OXR1: variants seen among roughly 807,000 people sequenced by gnomAD.
OXR1 encodes the protein oxidation resistance protein 1.
In OXR1, 41 loss-of-function variants were observed where a neutral mutation model predicts 104.6. The ratio of observed to expected loss-of-function variants is 0.39; its 90% CI spans 0.31 to 0.51. The LOEUF (loss-of-function observed/expected upper bound fraction) is 0.51, where lower values mean the gene tolerates loss of function less well. Ranked by LOEUF, OXR1 falls within the 20% of genes least tolerant of loss-of-function variation. The probability of loss-of-function intolerance (pLI) is 0.77; values close to 1 mark genes in which losing one functional copy is unlikely to be tolerated. For synonymous variants in OXR1, 348 were observed against 348.4 expected, an observed-to-expected ratio of 1.00 and a Z score of 0.01; for missense variants, 955 against 1,031.9, an observed-to-expected ratio of 0.93 and a Z score of 1.02.
At chr8:106,380,542 C>T (rs544850791) in intron 2 of OXR1, among the ~76,000 whole-genome samples, 2 of 152,256 alleles carry the variant, frequency 1.3e-5, no homozygotes, top group African/African-American at 4.8e-5. Context: ...TGAGGAACTT[C>T]CAATCTATTT....
At chr8:106,701,912 GC>G (rs1830612341) in intron 7 of OXR1, among the ~76,000 whole-genome samples, 1 of 152,160 alleles carries the variant, frequency 6.6e-6, no homozygotes, top group Non-Finnish European at 1.5e-5. Context: ...ACCCTAGTTT[GC>G]TCATTTATAA....
chr8:106,475,338 TATATTTA>T (rs1440286358), intron 2 of OXR1, among the ~76,000 whole-genome samples: 1 of 151,776 alleles, frequency 6.6e-6, no homozygotes, highest in Non-Finnish European at 1.5e-5. Context: ...AAAGAGAAAA[TATATTTA>T]ATATTTATTA....
chr8:106,367,066 T>A (rs1816497614), intron 2 of OXR1, among the ~76,000 whole-genome samples: 2 of 296 alleles, frequency 6.8e-3, no homozygotes, highest in Non-Finnish European at 0.015. Context: ...ATGTTTCCCT[T>A]TTTTTTTTTT....
chr8:106,392,364 G>T (rs1349452753), intron 2 of OXR1, among the ~76,000 whole-genome samples: 1 of 152,156 alleles, frequency 6.6e-6, no homozygotes, highest in African/African-American at 2.4e-5. Flanking sequence ...AATTTGAGCT[G>T]CCTTTAACAC....
chr8:106,342,573 G>T (rs967585430), intron 1 of OXR1, among the ~76,000 whole-genome samples: 3 of 151,716 alleles, frequency 2.0e-5, no homozygotes, highest in Non-Finnish European at 1.5e-5. Context: ...CATCTTTTAT[G>T]TATTTTTTTA....
At chr8:106,543,394 G>C (rs927289369) in intron 3 of OXR1, among the ~76,000 whole-genome samples, 5 of 151,954 alleles carry the variant, frequency 3.3e-5, no homozygotes, top group African/African-American at 1.2e-4. Context: ...CAAAAGATAA[G>C]ACCAACAAAA....
chr8:106,672,271 A>C (rs1280037890), intron 3 of OXR1, among the ~76,000 whole-genome samples: 1 of 150,918 alleles, frequency 6.6e-6, no homozygotes, highest in Non-Finnish European at 1.5e-5. Flanking sequence ...TGAGGTCAGG[A>C]GTTTGAGACC....
chr8:106,372,323 G>T (rs374385160), intron 2 of OXR1, among the ~76,000 whole-genome samples: 1 of 152,088 alleles, frequency 6.6e-6, no homozygotes, highest in East Asian at 1.9e-4. Flanking sequence ...CCTTCTCTCT[G>T]TGAGTCACAC....
At chr8:106,485,457 C>T (rs1406230949) in intron 2 of OXR1, among the ~76,000 whole-genome samples, 1 of 152,060 alleles carries the variant, frequency 6.6e-6, no homozygotes, top group East Asian at 1.9e-4. Context: ...TAGAGCAGAG[C>T]ACTCAATAAA....
chr8:106,663,888 G>C (rs1178986856), intron 3 of OXR1, among the ~76,000 whole-genome samples: 1 of 152,100 alleles, frequency 6.6e-6, no homozygotes. Flanking sequence ...AAAGGTTGGG[G>C]ACCACTGCTT....
At chr8:106,414,878 G>A (rs1818607650) in intron 2 of OXR1, among the ~76,000 whole-genome samples, 1 of 152,138 alleles carries the variant, frequency 6.6e-6, no homozygotes, top group African/African-American at 2.4e-5. Flanking sequence ...AGGGTTTTGT[G>A]TGGAGGAGCA....
chr8:106,479,102 C>G (rs1821964241), intron 2 of OXR1, among the ~76,000 whole-genome samples: 1 of 151,934 alleles, frequency 6.6e-6, no homozygotes, highest in Non-Finnish European at 1.5e-5. Flanking sequence ...TAGGTTGTTT[C>G]ACTTTTACAA....
chr8:106,470,177 A>C (rs1166176523), intron 2 of OXR1, among the ~76,000 whole-genome samples: 2 of 151,792 alleles, frequency 1.3e-5, no homozygotes, highest in African/African-American at 4.8e-5. Context: ...TTTTCAGAGC[A>C]AAGGATAGTC....
At chr8:106,387,203 A>G (rs1817411832) in intron 2 of OXR1, among the ~76,000 whole-genome samples, 1 of 152,268 alleles carries the variant, frequency 6.6e-6, no homozygotes, top group South Asian at 2.1e-4. Flanking sequence ...CTTGAAGATT[A>G]ATTATCCTTG....
intron 3 of OXR1, among the ~76,000 whole-genome samples, chr8:106,632,350 C>T (rs1022202637): frequency 1.3e-4 from 20 of 152,126 alleles, no homozygotes; most frequent in Non-Finnish European, 7.4e-5. Flanking sequence ...CTGTTATGGC[C>T]TAAAATCTGA....
intron 1 of OXR1, among the ~76,000 whole-genome samples, chr8:106,295,935 C>A (rs146393943): frequency 6.6e-6 from 1 of 152,234 alleles, no homozygotes; most frequent in African/African-American, 2.4e-5. Flanking sequence ...GTCATGCTTC[C>A]TTGGTGGAGA....
chr8:106,483,238 T>G (rs1262014052), intron 2 of OXR1, among the ~76,000 whole-genome samples: 1 of 151,830 alleles, frequency 6.6e-6, no homozygotes, highest in East Asian at 1.9e-4. Flanking sequence ...CAGTAGAGAG[T>G]TAGTAGCAAT....
chr8:106,607,432 C>T (rs1214725010), intron 3 of OXR1, among the ~76,000 whole-genome samples: 1 of 152,220 alleles, frequency 6.6e-6, no homozygotes, highest in African/African-American at 2.4e-5. Flanking sequence ...CTTGTACTAA[C>T]ACTTTCACAG....
At chr8:106,550,334 A>G (rs952262573) in intron 3 of OXR1, among the ~76,000 whole-genome samples, 1 of 152,224 alleles carries the variant, frequency 6.6e-6, no homozygotes, top group Non-Finnish European at 1.5e-5. Context: ...TGTTCACACA[A>G]CAGCATTCCA....
Sources: gnomAD v4.1 joint callset for allele counts (sites outside exome capture counted in the v4.1 genomes callset) on GRCh38, gnomAD v4.1.1 for gene constraint, MANE v1.5 for transcripts, NCBI Gene and HGNC (gene_info 2026-07-23, HGNC 2026-07-21) for gene names.